PHKB: variants seen among roughly 807,000 people sequenced by gnomAD.
The protein encoded by PHKB is phosphorylase kinase regulatory subunit beta.
In PHKB, 122 loss-of-function variants were observed where a neutral mutation model predicts 152.1. That is an observed-to-expected ratio of 0.80 (90% confidence interval 0.69 to 0.93). The LOEUF is 0.93. Ranked by LOEUF, PHKB falls within the 40% of genes least tolerant of loss-of-function variation. The pLI, the probability that PHKB is intolerant of heterozygous loss-of-function variation, is 0.00. For missense variants in PHKB, 1,304 were observed against 1,328.4 expected (o/e 0.98, Z 0.29); for synonymous variants, 436 against 464.9 (o/e 0.94, Z 0.80).
At chr16:47,673,640 C>T (rs928613275) in intron 26 of PHKB, among the ~76,000 whole-genome samples, 2 of 152,112 alleles carry the variant, frequency 1.3e-5, no homozygotes, top group East Asian at 3.8e-4. Context: ...TTTCCAGTAA[C>T]GATCTAAGAG....
At chr16:47,636,884 C>A (rs1285455134) in intron 14 of PHKB, among the ~76,000 whole-genome samples, 1 of 152,174 alleles carries the variant, frequency 6.6e-6, no homozygotes, top group African/African-American at 2.4e-5. Flanking sequence ...CGGGCTGCCA[C>A]CCCTGGGTGG....
intron 14 of PHKB, among the ~76,000 whole-genome samples, chr16:47,626,119 T>C (rs921579411): frequency 1.3e-5 from 2 of 152,228 alleles, no homozygotes; most frequent in Non-Finnish European, 2.9e-5. Flanking sequence ...ACCTTTCTAG[T>C]GTATAAAACT....
intron 1 of PHKB, among the ~76,000 whole-genome samples, chr16:47,494,269 A>ATAGAAGCT: frequency 1.3e-5 from 2 of 152,342 alleles, no homozygotes; most frequent in African/African-American, 4.8e-5. Flanking sequence ...ATCTATGTGG[A>ATAGAAGCT]AGCATAGATA....
rs12918964 is a variant in PHKB, at chr16:47,698,565, C to T, written c.3121C>T (p.Arg1041Trp). The T allele has an allele frequency of 0.011, 16,114 of 1,518,908 alleles. 111 individuals carry two copies. The highest frequency in any genetic ancestry group is 0.013 in the Non-Finnish European group (14,781 of 1,112,574). The allele number at this position is 1,518,908 out of a possible 1,614,324, so 94.1% of individuals were successfully genotyped here. A position where few individuals can be genotyped will look rare whatever the true frequency, so the allele number is the denominator to read the frequency against. ...TAATGAATTTCAAAAAGATCAGAGT[C>T]GGCTAAAGGAAATTGAAAAACAAGT... ...AFNEFQKDQS[R>W]LKEIEKQDDM... Residue 1041 changes from arginine to tryptophan, a missense_variant, in exon 30 of 31, where the codon CGG becomes TGG. Transcript: ENST00000323584.
chr16:47,578,681 TCTTATCAC>T (rs1438617749), intron 7 of PHKB, among the ~76,000 whole-genome samples: 3 of 152,154 alleles, frequency 2.0e-5, no homozygotes, highest in Admixed American at 6.6e-5. Context: ...TGAAATGGTT[TCTTATCAC>T]CTATTGGAAA....
At chr16:47,550,187 A>C (rs1438299764) in intron 7 of PHKB, among the ~76,000 whole-genome samples, 2 of 151,868 alleles carry the variant, frequency 1.3e-5, no homozygotes, top group African/African-American at 2.4e-5. Flanking sequence ...AGAGAGTTGA[A>C]CTCCATGTGC....
intron 14 of PHKB, among the ~76,000 whole-genome samples, chr16:47,631,395 C>T (rs1213399720): frequency 1.3e-5 from 2 of 152,178 alleles, no homozygotes; most frequent in Non-Finnish European, 2.9e-5. Context: ...TAACACGTGG[C>T]ACATAGCAAG....
rs934465378 is a variant in PHKB, at chr16:47,685,849, C to A, written c.2631-3192C>A. ...CTCCGCCTCCTGGGTTCACACCATT[C>A]TCCTGCCTCAGCCTCCTGAGTAGCT... On this transcript the variant is annotated intron_variant, in intron 26 of 30. Coordinates refer to ENST00000323584, the MANE Select transcript of PHKB (RefSeq NM_000293.3). Among the ~76,000 whole-genome samples the A allele has an allele frequency of 2.6e-5, 4 of 151,166 alleles. No homozygotes were observed. In the East Asian group the frequency reaches 5.9e-4, roughly 22 times the overall value.
At chr16:47,606,433 G>A (rs1972325261) in intron 13 of PHKB, among the ~76,000 whole-genome samples, 2 of 152,160 alleles carry the variant, frequency 1.3e-5, no homozygotes, top group African/African-American at 4.8e-5. Flanking sequence ...ACTCAGCATA[G>A]TATTGTTTTT....
chr16:47,560,406 C>G (rs1971456437), intron 7 of PHKB, among the ~76,000 whole-genome samples: 1 of 152,148 alleles, frequency 6.6e-6, no homozygotes, highest in Admixed American at 6.5e-5. Flanking sequence ...ATCTTTGTTG[C>G]AGAAATTGAC....
intron 6 of PHKB, among the ~76,000 whole-genome samples, chr16:47,539,997 GGGC>G (rs1971024183): frequency 6.6e-6 from 1 of 151,978 alleles, no homozygotes; most frequent in Admixed American, 6.5e-5. Context: ...CTGCAGGGTC[GGGC>G]AAAAAAAGCC....
At chr16:47,652,615 G>A (rs1198431365) in intron 20 of PHKB, among the ~76,000 whole-genome samples, 1 of 151,664 alleles carries the variant, frequency 6.6e-6, no homozygotes, top group Non-Finnish European at 1.5e-5. Flanking sequence ...TCTCGTTGTG[G>A]GTTGTTTTTT....
intron 7 of PHKB, among the ~76,000 whole-genome samples, chr16:47,564,503 C>T (rs1289172279): frequency 6.6e-6 from 1 of 151,740 alleles, no homozygotes; most frequent in Non-Finnish European, 1.5e-5. Flanking sequence ...TTGTCGTTTG[C>T]CCACTTTTTA....
At chr16:47,468,854 C>G (rs1369979161) in intron 1 of PHKB, among the ~76,000 whole-genome samples, 4 of 152,064 alleles carry the variant, frequency 2.6e-5, no homozygotes, top group African/African-American at 9.7e-5. Context: ...TTTAGGCTCT[C>G]TCTAATAGCT....
intron 20 of PHKB, among the ~76,000 whole-genome samples, chr16:47,657,987 C>T (rs1297592109): frequency 6.6e-6 from 1 of 152,160 alleles, no homozygotes; most frequent in Non-Finnish European, 1.5e-5. Context: ...ACTAATAAAA[C>T]AGTCTGTTCA....
At chr16:47,696,353 C>T in intron 28 of PHKB, 28 bp from the exon 29 acceptor site, 1 of 1,040,316 alleles carries the variant, frequency 9.6e-7, no homozygotes, top group Non-Finnish European at 1.5e-6. Context: ...AACGGTTCAG[C>T]ATGTTAATGT....
At chr16:47,588,002 C>G (rs977082694) in intron 9 of PHKB, among the ~76,000 whole-genome samples, 1 of 152,180 alleles carries the variant, frequency 6.6e-6, no homozygotes, top group African/African-American at 2.4e-5. Context: ...GAAAAACAGA[C>G]TTTTCTTTTG....
chr16:47,506,223 G>T (rs373305541), intron 4 of PHKB, among the ~76,000 whole-genome samples: 20 of 151,070 alleles, frequency 1.3e-4, no homozygotes, highest in African/African-American at 4.6e-4. Context: ...ATAATAAAAA[G>T]AGTGATAACA....
intron 6 of PHKB, among the ~76,000 whole-genome samples, chr16:47,539,855 A>G (rs1236437192): frequency 6.6e-6 from 1 of 152,122 alleles, no homozygotes; most frequent in East Asian, 1.9e-4. Context: ...GACCACTGTG[A>G]TGATTGTGTT....
Sources: gnomAD v4.1 joint callset for allele counts (sites outside exome capture counted in the v4.1 genomes callset) on GRCh38, gnomAD v4.1.1 for gene constraint, MANE v1.5 for transcripts, NCBI Gene and HGNC (gene_info 2026-07-23, HGNC 2026-07-21) for gene names.